Variants in NKAIN2 observed in about 807,000 individuals in gnomAD.
The protein encoded by NKAIN2 is sodium/potassium transporting ATPase interacting 2, also known as sodium/potassium-transporting ATPase subunit beta-1-interacting protein 2.
A neutral mutation model predicts 32.6 loss-of-function variants in NKAIN2; 14 were observed. The observed-to-expected ratio is 0.43, with a 90% CI of 0.28 to 0.67. NKAIN2 has a LOEUF of 0.67. NKAIN2 is among the 30% of genes least tolerant of loss of function. NKAIN2 has a pLI of 0.17. For synonymous variants in NKAIN2, 80 were observed against 87.2 expected (o/e 0.92, Z 0.46); for missense variants, 198 against 258.3 (o/e 0.77, Z 1.60).
intron 3 of NKAIN2, among the ~76,000 whole-genome samples, chr6:124,515,203 T>C (rs1008688680): frequency 2.0e-5 from 3 of 152,238 alleles, no homozygotes; most frequent in African/African-American, 7.2e-5. Context: ...TAAATCATTC[T>C]GCCTTGGTCA....
intron 4 of NKAIN2, among the ~76,000 whole-genome samples, chr6:124,703,079 G>A (rs893804200): frequency 6.6e-6 from 1 of 152,000 alleles, no homozygotes; most frequent in African/African-American, 2.4e-5. Context: ...ATTCTACTGG[G>A]TATATTTAAA....
chr6:124,671,177 A>G (rs1436074470), intron 4 of NKAIN2, among the ~76,000 whole-genome samples: 1 of 152,104 alleles, frequency 6.6e-6, no homozygotes, highest in Non-Finnish European at 1.5e-5. Context: ...TATACAACCC[A>G]CACATCACAA....
At chr6:124,722,291 A>C (rs991976663) in intron 4 of NKAIN2, among the ~76,000 whole-genome samples, 1 of 152,222 alleles carries the variant, frequency 6.6e-6, no homozygotes, top group African/African-American at 2.4e-5. Flanking sequence ...GTTCAAAAAT[A>C]TCTCTCCAAG....
At chr6:124,644,317 TAAC>T (rs1445074603) in intron 3 of NKAIN2, among the ~76,000 whole-genome samples, 10 of 152,172 alleles carry the variant, frequency 6.6e-5, no homozygotes, top group Non-Finnish European at 4.4e-5. Flanking sequence ...TTTATCATGT[TAAC>T]AATTCTGAGT....
chr6:124,149,211 C>T (rs1469900465), intron 1 of NKAIN2, among the ~76,000 whole-genome samples: 1 of 151,960 alleles, frequency 6.6e-6, no homozygotes, highest in Admixed American at 6.6e-5. Flanking sequence ...AATATAAAGC[C>T]TTTGGCAGAT....
At chr6:124,304,215 C>A (rs1368019425) in intron 2 of NKAIN2, among the ~76,000 whole-genome samples, 3 of 152,244 alleles carry the variant, frequency 2.0e-5, no homozygotes, top group East Asian at 3.9e-4. Flanking sequence ...ATAATTAACT[C>A]ATTTCCACCT....
rs565721593 is a variant in NKAIN2 at position 124,439,407 on chromosome 6, G to A, written c.273+84060G>A. Among the ~76,000 whole-genome samples the A allele has an allele frequency of 1.9e-4, 28 of 151,250 alleles. 1 individual carries two copies. The highest frequency in any genetic ancestry group is 6.6e-4 in the African/African-American group (27 of 41,194). ...ACACTCTCATCTGTTTTGGGTGGAC[G>A]ACTACACGGGGCCTGCTCATGAGGT... On this transcript the variant is annotated intron_variant, in intron 3 of 6. Coordinates refer to ENST00000368417, the MANE Select transcript of NKAIN2 (RefSeq NM_001040214.3).
At chr6:123,849,973 T>G (rs375120807) in intron 1 of NKAIN2, among the ~76,000 whole-genome samples, 15,722 of 145,468 alleles carry the variant, frequency 0.11, 1,626 homozygotes, top group African/African-American at 0.26. Context: ...TTTGTTTGTT[T>G]TTTTTTTAAC....
intron 1 of NKAIN2, among the ~76,000 whole-genome samples, chr6:124,039,614 T>C (rs1187553749): frequency 2.0e-5 from 3 of 151,908 alleles, no homozygotes; most frequent in East Asian, 1.9e-4. Context: ...CTTTCAAAAA[T>C]TGGGCATTTA....
At chr6:124,406,629 T>C (rs945414983) in intron 3 of NKAIN2, among the ~76,000 whole-genome samples, 7 of 152,102 alleles carry the variant, frequency 4.6e-5, no homozygotes, top group African/African-American at 1.7e-4. Flanking sequence ...TATGAATGGT[T>C]GTATGTTTAA....
chr6:124,339,293 C>T (rs983931616), intron 2 of NKAIN2, among the ~76,000 whole-genome samples: 3 of 141,340 alleles, frequency 2.1e-5, no homozygotes, highest in South Asian at 2.2e-4. Context: ...TGCAGTGAGC[C>T]GAGATCGCAC....
intron 1 of NKAIN2, among the ~76,000 whole-genome samples, chr6:124,223,293 CT>C (rs539606098): frequency 3.1e-4 from 43 of 139,024 alleles, no homozygotes; most frequent in Middle Eastern, 3.8e-3. Context: ...CAAGAATAAA[CT>C]TTTTTTTTTC....
Position 124,095,663 on chromosome 6 carries a change from A to G in NKAIN2, c.55-187342A>G, listed in dbSNP as rs377582926. Among the ~76,000 whole-genome samples the G allele has an allele frequency of 3.3e-5, 5 of 152,248 alleles. No individual in the cohort carries two copies. In the East Asian group the frequency reaches 9.7e-4, roughly 29 times the overall value. On this transcript the variant is annotated intron_variant, in intron 1 of 6. Transcript: ENST00000368417. ...ATTTTCCTAATAATGTATTCCACTT[A>G]CCTTAGTAAGTATACAGCCTCCTAT...
At chr6:123,816,525 C>A (rs1773701804) in intron 1 of NKAIN2, among the ~76,000 whole-genome samples, 1 of 152,148 alleles carries the variant, frequency 6.6e-6, no homozygotes, top group Non-Finnish European at 1.5e-5. Context: ...CCAATTATTT[C>A]TCCGTCAGCA....
At chr6:124,161,678 T>A (rs981449706) in intron 1 of NKAIN2, among the ~76,000 whole-genome samples, 1 of 152,038 alleles carries the variant, frequency 6.6e-6, no homozygotes. Context: ...AAACATGACT[T>A]TGTGTTTTAG....
At chr6:124,118,431 G>A (rs1185163971) in intron 1 of NKAIN2, among the ~76,000 whole-genome samples, 6 of 152,054 alleles carry the variant, frequency 3.9e-5, no homozygotes, top group Non-Finnish European at 8.8e-5. Flanking sequence ...TAAATGAAGA[G>A]AAAACAAATG....
chr6:124,249,987 A>G (rs1264466448), intron 1 of NKAIN2, among the ~76,000 whole-genome samples: 1 of 152,122 alleles, frequency 6.6e-6, no homozygotes, highest in Non-Finnish European at 1.5e-5. Flanking sequence ...TATTTTGAGA[A>G]TTCATGTGTT....
intron 1 of NKAIN2, among the ~76,000 whole-genome samples, chr6:124,129,536 AT>A (rs1386945711): frequency 6.6e-6 from 1 of 152,118 alleles, no homozygotes; most frequent in East Asian, 1.9e-4. Flanking sequence ...TCAGTTGAAG[AT>A]TTAGAGTTTG....
chr6:124,044,344 G>A (rs1303261366), intron 1 of NKAIN2, among the ~76,000 whole-genome samples: 1 of 151,944 alleles, frequency 6.6e-6, no homozygotes, highest in African/African-American at 2.4e-5. Flanking sequence ...ACTGTGGAAT[G>A]TTTTCCACAG....
Sources: allele counts gnomAD v4.1 joint callset (sites outside exome capture counted in the v4.1 genomes callset), GRCh38; gene constraint gnomAD v4.1.1; transcripts MANE v1.5; gene names NCBI Gene and HGNC (gene_info 2026-07-23, HGNC 2026-07-21).